DDAH1: variants seen among roughly 807,000 people sequenced by gnomAD.
DDAH1 encodes the protein dimethylarginine dimethylaminohydrolase 1.
DDAH1 carries 19 observed loss-of-function variants against 28.8 expected under a neutral mutation model. That is an observed-to-expected ratio of 0.66 (90% CI 0.46 to 0.97). The LOEUF is 0.97. Among genes scored for constraint, DDAH1 ranks in the 50% least tolerant of loss-of-function variants. The pLI is 0.00. For synonymous variants in DDAH1, 153 were observed against 154.4 expected, an observed-to-expected ratio of 0.99 and a Z score of 0.07; for missense variants, 326 against 375.9, an observed-to-expected ratio of 0.87 and a Z score of 1.10.
upstream of DDAH1, among the ~76,000 whole-genome samples, chr1:85,466,759 T>C (rs1459423273): frequency 6.6e-6 from 1 of 152,090 alleles, no homozygotes; most frequent in African/African-American, 2.4e-5. Flanking sequence ...CAGGTGAAAG[T>C]TGATCTTTTA....
intron 1 of DDAH1, among the ~76,000 whole-genome samples, chr1:85,550,843 T>C (rs1038826153): frequency 2.6e-5 from 4 of 152,220 alleles, no homozygotes; most frequent in African/African-American, 9.7e-5. Context: ...CTATCTGCTC[T>C]AGCCATTTGA....
intron 1 of DDAH1, among the ~76,000 whole-genome samples, chr1:85,370,120 C>T (rs1007016680): frequency 6.6e-6 from 1 of 152,098 alleles, no homozygotes; most frequent in Non-Finnish European, 1.5e-5. Context: ...GAGAGATAAT[C>T]AGGTTAAAAT....
intron 1 of DDAH1, among the ~76,000 whole-genome samples, chr1:85,457,262 CTCTGTA>C (rs1279248320): frequency 6.6e-6 from 1 of 152,138 alleles, no homozygotes; most frequent in Non-Finnish European, 1.5e-5. Context: ...TCATCCTGTT[CTCTGTA>C]TCTGGAAGGT....
chr1:85,417,645 A>G (rs1652943330), intron 1 of DDAH1, among the ~76,000 whole-genome samples: 2 of 152,218 alleles, frequency 1.3e-5, no homozygotes, highest in African/African-American at 2.4e-5. Context: ...CTCTTTATCA[A>G]TCTTAATACA....
intron 1 of DDAH1, among the ~76,000 whole-genome samples, chr1:85,428,907 T>G (rs574549473): frequency 9.2e-5 from 14 of 152,046 alleles, no homozygotes; most frequent in African/African-American, 3.4e-4. Flanking sequence ...GGAAGCAACA[T>G]GAGGAAGTGA....
At chr1:85,347,978 A>G (rs888695265) in intron 4 of DDAH1, among the ~76,000 whole-genome samples, 5 of 152,170 alleles carry the variant, frequency 3.3e-5, no homozygotes, top group Admixed American at 1.3e-4. Context: ...GACATTTTTG[A>G]TGCTAGAAAC....
chr1:85,505,305 T>C (rs965105368), intron 1 of DDAH1, among the ~76,000 whole-genome samples: 1 of 152,088 alleles, frequency 6.6e-6, no homozygotes, highest in Non-Finnish European at 1.5e-5. Flanking sequence ...TTATTATATG[T>C]CTTACACCAG....
intron 1 of DDAH1, among the ~76,000 whole-genome samples, chr1:85,431,480 C>T (rs964514241): frequency 1.3e-5 from 2 of 149,582 alleles, no homozygotes; most frequent in Non-Finnish European, 3.0e-5. Flanking sequence ...CTAGGCTGTT[C>T]CTTAAGCTAG....
chr1:85,414,115 T>C (rs1330846036), intron 1 of DDAH1, among the ~76,000 whole-genome samples: 1 of 152,182 alleles, frequency 6.6e-6, no homozygotes, highest in Non-Finnish European at 1.5e-5. Context: ...AGTGGTATGG[T>C]AGAACTGGCA....
chr1:85,529,489 CT>C (rs1349843722), intron 1 of DDAH1, among the ~76,000 whole-genome samples: 1 of 151,062 alleles, frequency 6.6e-6, no homozygotes, highest in Non-Finnish European at 1.5e-5. Context: ...TGAGAATCTC[CT>C]TTTTGGACTG....
Position 85,502,548 on chromosome 1 carries a change from G to T in DDAH1, c.-122-6267C>A, listed in dbSNP as rs1656855414. ...TCCCTTGCTTGTCACTGCCATCATT[G>T]CCCCCTTCTCAGATCCCTCTGGCTT... On this transcript the variant is annotated intron_variant, in intron 1 of 6. Transcript: ENST00000426972. Among the ~76,000 whole-genome samples the T allele has an allele frequency of 1.3e-5, 2 of 151,964 alleles. 1 individual carries two copies. Among genetic ancestry groups the T allele is most frequent in the South Asian group, 4.2e-4 (2 of 4,804 alleles).
chr1:85,436,082 C>T (rs1042082376), intron 1 of DDAH1, among the ~76,000 whole-genome samples: 101 of 151,812 alleles, frequency 6.7e-4, no homozygotes, highest in Non-Finnish European at 1.3e-3. Flanking sequence ...ATTGCAGGCT[C>T]GAGCCACCGC....
In DDAH1 at chr1:85,419,430, T is replaced by C. The variant is rs189647793; in HGVS notation, c.303+45313A>G. ...TGGCATGTGCCTGTAACCCCAGCTA[T>C]TCGGGAGGCTGAGACAGGAGAATCA... is the stretch of plus-strand genomic sequence containing the variant. On this transcript the variant is annotated intron_variant, in intron 1 of 5. Transcript: ENST00000284031. Among the ~76,000 whole-genome samples, 86 of 150,328 alleles carry C rather than the reference T, an allele frequency of 5.7e-4. No individual in the cohort carries two copies. In the East Asian group the frequency reaches 0.016, roughly 28 times the overall value.
At chr1:85,528,023 T>G (rs1570644453) in intron 1 of DDAH1, among the ~76,000 whole-genome samples, 1 of 152,106 alleles carries the variant, frequency 6.6e-6, no homozygotes, top group East Asian at 1.9e-4. Flanking sequence ...ATTTAGTGTT[T>G]AAAATCATAT....
intron 1 of DDAH1, among the ~76,000 whole-genome samples, chr1:85,570,882 A>G (rs1659435435): frequency 6.6e-6 from 1 of 152,202 alleles, no homozygotes. Flanking sequence ...GTAACAAAAA[A>G]AAAAAGAGAG....
chr1:85,466,313 C>T (rs1388562041), upstream of DDAH1, among the ~76,000 whole-genome samples: 2 of 152,190 alleles, frequency 1.3e-5, no homozygotes, highest in Admixed American at 6.5e-5. Flanking sequence ...TGCAGTGGCA[C>T]GATCTCGGCT....
chr1:85,420,022 A>G (rs1653069271), intron 1 of DDAH1, among the ~76,000 whole-genome samples: 1 of 152,056 alleles, frequency 6.6e-6, no homozygotes, highest in Admixed American at 6.5e-5. Flanking sequence ...CAAACTATCA[A>G]CCCTCTGGAG....
intron 1 of DDAH1, among the ~76,000 whole-genome samples, chr1:85,508,968 G>A (rs746021181): frequency 2.1e-4 from 32 of 152,230 alleles, no homozygotes; most frequent in Non-Finnish European, 4.3e-4. Flanking sequence ...GAGAGCAGTG[G>A]TGCTCCCAGC....
chr1:85,491,301 G>A (rs1174731393), intron 2 of DDAH1, among the ~76,000 whole-genome samples: 1 of 152,004 alleles, frequency 6.6e-6, no homozygotes, highest in Non-Finnish European at 1.5e-5. Context: ...TCTTAATTGG[G>A]CCAATTATAT....
Sources: allele counts gnomAD v4.1 joint callset (sites outside exome capture counted in the v4.1 genomes callset), GRCh38; gene constraint gnomAD v4.1.1; transcripts MANE v1.5; gene names NCBI Gene and HGNC (gene_info 2026-07-23, HGNC 2026-07-21).